The following CFAP141 variants were observed in gnomAD, a reference collection of about 807,000 sequenced individuals.
The protein encoded by CFAP141 is cilia- and flagella-associated protein 141.
chr1:154,205,709 C>CTTT, the CFAP141 span: 4 of 1,147,244 alleles, frequency 3.5e-6, no homozygotes, highest in Non-Finnish European at 5.0e-6. Context: ...AGACATAGAC[C>CTTT]TTTTTTTTTT....
chr1:154,205,566 A>C, the CFAP141 span: 2 of 1,607,820 alleles, frequency 1.2e-6, no homozygotes, highest in Admixed American at 1.7e-5. Flanking sequence ...GGTCAAGCTC[A>C]AAGGTAAAGG....
chr1:154,199,130 T>C, the CFAP141 span, among the ~76,000 whole-genome samples: 1 of 152,190 alleles, frequency 6.6e-6, no homozygotes, highest in Non-Finnish European at 1.5e-5. Context: ...CAAATCAGGA[T>C]TCTCAACTCT....
At chr1:154,201,628 T>C in the CFAP141 span, among the ~76,000 whole-genome samples, 1 of 151,928 alleles carries the variant, frequency 6.6e-6, no homozygotes, top group Admixed American at 6.6e-5. Context: ...CCTCAGGTGA[T>C]CCGCCTGACT....
the CFAP141 span, among the ~76,000 whole-genome samples, chr1:154,205,982 C>A: frequency 6.6e-6 from 1 of 152,078 alleles, no homozygotes; most frequent in Non-Finnish European, 1.5e-5. Context: ...GGATTACAGG[C>A]GTGAGTCACC....
the CFAP141 span, among the ~76,000 whole-genome samples, chr1:154,206,058 C>T: frequency 6.6e-6 from 1 of 152,128 alleles, no homozygotes; most frequent in Non-Finnish European, 1.5e-5. Context: ...GAGGAAAGCT[C>T]TACTTTCAGA....
the CFAP141 span, chr1:154,199,463 A>G: frequency 6.2e-7 from 1 of 1,613,150 alleles, no homozygotes; most frequent in Non-Finnish European, 8.5e-7. Context: ...TGCCCATCTG[A>G]TTTAGTTCCT....
chr1:154,200,405 C>A, the CFAP141 span: 2 of 1,585,988 alleles, frequency 1.3e-6, no homozygotes, highest in Admixed American at 3.5e-5. Flanking sequence ...ACTCAATGGG[C>A]AAAGGCACAC....
At chr1:154,200,309 T>G in the CFAP141 span, 1 of 747,496 alleles carries the variant, frequency 1.3e-6, no homozygotes, top group Non-Finnish European at 2.2e-6. Flanking sequence ...GGCAATGGAG[T>G]TAGAGTTGTG....
the CFAP141 span, among the ~76,000 whole-genome samples, chr1:154,202,301 C>A: frequency 6.6e-6 from 1 of 152,026 alleles, no homozygotes; most frequent in African/African-American, 2.4e-5. Flanking sequence ...GTCTCGAACT[C>A]CAGACCTCAA....
At chr1:154,200,615 G>A in the CFAP141 span, 1 of 1,613,082 alleles carries the variant, frequency 6.2e-7, no homozygotes, top group Non-Finnish European at 8.5e-7. Context: ...GGTGGGGGTT[G>A]AATGGGTGGG....
the CFAP141 span, chr1:154,205,497 G>T: frequency 9.3e-7 from 1 of 1,072,166 alleles, no homozygotes; most frequent in Non-Finnish European, 1.5e-6. Flanking sequence ...CTCTTGATGA[G>T]CCCCTAAAGA....
chr1:154,205,702 CAT>C, the CFAP141 span: 1 of 1,424,538 alleles, frequency 7.0e-7, no homozygotes. Flanking sequence ...TAATGAGAGA[CAT>C]AGACCTTTTT....
chr1:154,199,134 C>G, the CFAP141 span, among the ~76,000 whole-genome samples: 2 of 152,294 alleles, frequency 1.3e-5, no homozygotes, highest in Admixed American at 1.3e-4. Flanking sequence ...TCAGGATTCT[C>G]AACTCTCATT....
At chr1:154,200,127 G>C in the CFAP141 span, among the ~76,000 whole-genome samples, 7 of 152,082 alleles carry the variant, frequency 4.6e-5, no homozygotes, top group Non-Finnish European at 8.8e-5. Context: ...TGCCCGTCTT[G>C]GCCCCCCAAA....
chr1:154,199,412 G>A, the CFAP141 span: 18 of 1,555,692 alleles, frequency 1.2e-5, 1 homozygote, highest in Middle Eastern at 1.7e-4. Flanking sequence ...TGGAAGAGCA[G>A]TGTTTTGGAT....
the CFAP141 span, among the ~76,000 whole-genome samples, chr1:154,203,945 G>C: frequency 6.6e-6 from 1 of 152,062 alleles, no homozygotes; most frequent in Non-Finnish European, 1.5e-5. Flanking sequence ...ACAAAAATTA[G>C]CCAGGTGTGG....
chr1:154,205,069 A>G, the CFAP141 span, among the ~76,000 whole-genome samples: 14 of 151,154 alleles, frequency 9.3e-5, no homozygotes, highest in African/African-American at 3.4e-4. Flanking sequence ...ATTTTAGTAG[A>G]GACAGGGTTT....
chr1:154,200,488 A>G, the CFAP141 span: 4 of 1,614,120 alleles, frequency 2.5e-6, no homozygotes, highest in Non-Finnish European at 3.4e-6. Flanking sequence ...GCCAGTGCCA[A>G]TTCCTGTACC....
chr1:154,206,208 C>CT, the CFAP141 span: 17 of 1,450,354 alleles, frequency 1.2e-5, no homozygotes, highest in South Asian at 1.7e-4. Context: ...AAAAGATGCA[C>CT]TTATAGTAAA....
Sources: allele counts gnomAD v4.1 joint callset (sites outside exome capture counted in the v4.1 genomes callset), GRCh38; gene constraint gnomAD v4.1.1; transcripts MANE v1.5; gene names NCBI Gene and HGNC (gene_info 2026-07-23, HGNC 2026-07-21).